The following FYN variants were observed in gnomAD, a reference collection of about 807,000 sequenced individuals.
FYN encodes tyrosine-protein kinase Fyn.
FYN carries 10 observed loss-of-function variants against 70.2 expected under a neutral mutation model. The observed-to-expected ratio is 0.14, with a 90% CI of 0.09 to 0.24. FYN has a LOEUF of 0.24. FYN is among the 10% of genes least tolerant of loss of function. The probability of loss-of-function intolerance (pLI) is 1.00; values close to 1 mark genes in which losing one functional copy is unlikely to be tolerated. For synonymous variants in FYN, 236 were observed against 248.6 expected (o/e 0.95, Z 0.48); for missense variants, 319 against 673.1 (o/e 0.47, Z 5.82).
intron 2 of FYN, among the ~76,000 whole-genome samples, chr6:111,832,108 AAAC>A (rs1278019820): frequency 6.6e-6 from 1 of 152,222 alleles, no homozygotes; most frequent in Admixed American, 6.5e-5. Context: ...TAATGATGGT[AAAC>A]AACAATTATG....
chr6:111,765,682 T>C (rs573176839), intron 3 of FYN, among the ~76,000 whole-genome samples: 1 of 152,042 alleles, frequency 6.6e-6, no homozygotes, highest in African/African-American at 2.4e-5. Context: ...GACACAGTAC[T>C]GGACACAGAG....
chr6:111,748,488 C>T (rs997151661), intron 3 of FYN, among the ~76,000 whole-genome samples: 4 of 152,070 alleles, frequency 2.6e-5, no homozygotes, highest in Non-Finnish European at 2.9e-5. Flanking sequence ...ACATGCATGG[C>T]GTATCAAGAG....
chr6:111,747,390 A>G (rs1802275524), intron 3 of FYN, among the ~76,000 whole-genome samples: 1 of 152,242 alleles, frequency 6.6e-6, no homozygotes. Context: ...CTCACAGTGT[A>G]AAAACTCCAT....
chr6:111,764,303 G>A (rs1803138440), intron 3 of FYN, among the ~76,000 whole-genome samples: 1 of 150,732 alleles, frequency 6.6e-6, no homozygotes, highest in South Asian at 2.1e-4. Context: ...AACCTCTGAG[G>A]AAGTAATAAG....
intron 3 of FYN, among the ~76,000 whole-genome samples, chr6:111,760,662 G>C (rs901869782): frequency 2.6e-5 from 4 of 152,222 alleles, no homozygotes; most frequent in African/African-American, 9.6e-5. Context: ...CCCTCAAGCT[G>C]GGAGTTGCAC....
intron 2 of FYN, among the ~76,000 whole-genome samples, chr6:111,845,890 G>A (rs983775344): frequency 2.2e-4 from 33 of 152,150 alleles, no homozygotes; most frequent in Non-Finnish European, 3.5e-4. Flanking sequence ...CAAACATTCA[G>A]AGAAAGAATG....
intron 2 of FYN, among the ~76,000 whole-genome samples, chr6:111,800,004 T>C (rs1166874215): frequency 1.3e-5 from 2 of 152,046 alleles, no homozygotes; most frequent in African/African-American, 2.4e-5. Context: ...AGGACACGAG[T>C]GTGCCATGAT....
intron 2 of FYN, among the ~76,000 whole-genome samples, chr6:111,833,463 A>T (rs1264953268): frequency 6.6e-6 from 1 of 152,210 alleles, no homozygotes; most frequent in East Asian, 1.9e-4. Flanking sequence ...GCTTGGCAGC[A>T]TTTACTACTC....
intron 13 of FYN, among the ~76,000 whole-genome samples, chr6:111,668,646 C>T (rs956732731): frequency 3.3e-5 from 5 of 152,084 alleles, no homozygotes; most frequent in African/African-American, 7.2e-5. Context: ...CCTCTTCACA[C>T]GCATTCTCCC....
chr6:111,832,165 C>CA (rs895513412), intron 2 of FYN, among the ~76,000 whole-genome samples: 12 of 152,136 alleles, frequency 7.9e-5, no homozygotes, highest in Non-Finnish European at 1.5e-5. Context: ...ATAAGGGATA[C>CA]AAAACCAAAG....
At chr6:111,696,163 A>AAT (rs1799564658) in intron 10 of FYN, 114 bp downstream of exon 10, 3 of 899,350 alleles carry the variant, frequency 3.3e-6, no homozygotes, top group Non-Finnish European at 4.8e-6. Context: ...TCCTAATGGG[A>AAT]ATACTTGACC....
intron 12 of FYN, among the ~76,000 whole-genome samples, chr6:111,681,913 G>A (rs1277942539): frequency 2.6e-5 from 4 of 151,540 alleles, no homozygotes; most frequent in African/African-American, 9.7e-5. Context: ...TGAACCGAAG[G>A]TGCCAGAGCC....
intron 2 of FYN, among the ~76,000 whole-genome samples, chr6:111,840,914 T>G (rs1275383620): frequency 1.3e-5 from 2 of 152,228 alleles, no homozygotes; most frequent in South Asian, 2.1e-4. Context: ...AAACAAATTA[T>G]GCAGTATCTC....
intron 2 of FYN, among the ~76,000 whole-genome samples, chr6:111,787,468 C>A (rs1290748097): frequency 1.3e-5 from 2 of 152,126 alleles, no homozygotes; most frequent in African/African-American, 4.8e-5. Flanking sequence ...GGTTACTTAG[C>A]CTTGTAGTAT....
chr6:111,777,576 C>T (rs1298455308), intron 3 of FYN, among the ~76,000 whole-genome samples: 1 of 152,102 alleles, frequency 6.6e-6, no homozygotes, highest in Non-Finnish European at 1.5e-5. Flanking sequence ...CACCCTCCTC[C>T]CTCCCCTAAC....
At chr6:111,664,615 C>CTG (rs3216223) in intron 13 of FYN, among the ~76,000 whole-genome samples, 7,712 of 152,252 alleles carry the variant, frequency 0.051, 227 homozygotes, top group East Asian at 0.097. Context: ...CCGAGGCAGT[C>CTG]TTTCCTGGGC....
chr6:111,692,821 C>A (rs1052360977), intron 12 of FYN, among the ~76,000 whole-genome samples: 6 of 152,200 alleles, frequency 3.9e-5, no homozygotes, highest in Admixed American at 3.3e-4. Flanking sequence ...AGTCTCAGAT[C>A]CACTGGCACT....
chr6:111,812,581 A>G (rs979521766), intron 2 of FYN, among the ~76,000 whole-genome samples: 6 of 138,364 alleles, frequency 4.3e-5, no homozygotes, highest in Non-Finnish European at 6.3e-5. Flanking sequence ...TCCTTTATGG[A>G]GGTAATTAAA....
rs1429739537 is a variant in FYN, at chr6:111,706,285, T to G, written c.443+1637A>C. On this transcript the variant is annotated intron_variant, in intron 6 of 13. Transcript: ENST00000354650. ...GGAGCATTCAATTGGAATCTGTGTG[T>G]GGGAACCATTTTTAGAATATTTAAC... 2.0e-5 allele frequency among the ~76,000 whole-genome samples: 3 copies of G among 152,352 alleles called. No individual in the cohort carries two copies. The East Asian group carries it at 5.8e-4, about 29-fold the overall frequency.
Sources: gnomAD v4.1 joint callset for allele counts (sites outside exome capture counted in the v4.1 genomes callset) on GRCh38, gnomAD v4.1.1 for gene constraint, MANE v1.5 for transcripts, NCBI Gene and HGNC (gene_info 2026-07-23, HGNC 2026-07-21) for gene names.